Variants in LDLRAD3 observed in about 807,000 individuals in gnomAD.
LDLRAD3 encodes the protein low density lipoprotein receptor class A domain containing 3, also known as low-density lipoprotein receptor class A domain-containing protein 3.
Under a neutral mutation model 29.4 loss-of-function variants are expected in LDLRAD3, and 20 were observed. The ratio of observed to expected loss-of-function variants is 0.68; its 90% CI spans 0.48 to 0.99. LDLRAD3 has a LOEUF of 0.99. LDLRAD3 is among the 50% of genes least tolerant of loss of function. The pLI, the probability that LDLRAD3 is intolerant of heterozygous loss-of-function variation, is 0.00. For missense variants in LDLRAD3, 420 were observed against 454.3 expected, an observed-to-expected ratio of 0.92 and a Z score of 0.69; for synonymous variants, 157 against 192.7, an observed-to-expected ratio of 0.81 and a Z score of 1.53.
At chr11:36,210,346 T>A (rs1436361087) in intron 4 of LDLRAD3, among the ~76,000 whole-genome samples, 1 of 152,116 alleles carries the variant, frequency 6.6e-6, no homozygotes, top group Non-Finnish European at 1.5e-5. Flanking sequence ...GACTTTGATT[T>A]CTTCACTTTC....
chr11:36,057,577 T>G (rs1480376642), intron 2 of LDLRAD3, among the ~76,000 whole-genome samples: 1 of 152,146 alleles, frequency 6.6e-6, no homozygotes, highest in African/African-American at 2.4e-5. Flanking sequence ...AATACGCTAT[T>G]ACTTGGCCTT....
intron 1 of LDLRAD3, among the ~76,000 whole-genome samples, chr11:36,028,428 C>T (rs1852194429): frequency 6.6e-6 from 1 of 152,132 alleles, no homozygotes; most frequent in Non-Finnish European, 1.5e-5. Flanking sequence ...GGATTGGCCA[C>T]TTCTGTCATT....
At chr11:36,096,997 G>A (rs978979504) in intron 3 of LDLRAD3, among the ~76,000 whole-genome samples, 18 of 152,228 alleles carry the variant, frequency 1.2e-4, no homozygotes, top group African/African-American at 4.3e-4. Flanking sequence ...CACACTGCAG[G>A]TAAATTGTAC....
chr11:35,999,324 G>A (rs1026285571), intron 1 of LDLRAD3, among the ~76,000 whole-genome samples: 3 of 152,186 alleles, frequency 2.0e-5, no homozygotes, highest in South Asian at 2.1e-4. Context: ...TGGTTGGACT[G>A]GAGTAGCCTC....
intron 4 of LDLRAD3, among the ~76,000 whole-genome samples, chr11:36,159,163 A>G (rs1854398154): frequency 6.6e-6 from 1 of 152,182 alleles, no homozygotes; most frequent in African/African-American, 2.4e-5. Flanking sequence ...ATACATGTTG[A>G]CAATTCCATT....
chr11:36,005,640 T>A (rs1237907889), intron 1 of LDLRAD3, among the ~76,000 whole-genome samples: 1 of 152,214 alleles, frequency 6.6e-6, no homozygotes, highest in Non-Finnish European at 1.5e-5. Context: ...TCTGGTATCT[T>A]TACAGCAGTG....
At position 36,229,168 on chromosome 11, in the gene LDLRAD3, G is replaced by C. The variant is rs1855539161; in HGVS notation, c.809G>C (p.Trp270Ser). 1.9e-6 allele frequency: 3 copies of C among 1,613,488 alleles called. No individual in the cohort carries two copies. The highest frequency in any genetic ancestry group is 2.5e-6 in the Non-Finnish European group (3 of 1,179,552). ...SEALLDQRPA[W>S]YDLPPPPYSS... Reference sequence around the variant, plus strand: ...TGCTGTCCCCATCACAGGCCTGCGTGGTATGACCTTCCTCCACCGCCCTAC... The same window carrying C: ...TGCTGTCCCCATCACAGGCCTGCGTCGTATGACCTTCCTCCACCGCCCTAC... The change falls in exon 6 of 6, where the codon TGG becomes TCG. Residue 270 changes from tryptophan to serine, a missense_variant. Transcript: ENST00000315571.
intron 1 of LDLRAD3, among the ~76,000 whole-genome samples, chr11:36,020,354 G>A (rs1852080844): frequency 6.6e-6 from 1 of 152,214 alleles, no homozygotes; most frequent in African/African-American, 2.4e-5. Flanking sequence ...ATCTGAGCGT[G>A]AAGAGACATG....
chr11:36,062,137 C>T (rs1260947084), intron 2 of LDLRAD3, among the ~76,000 whole-genome samples: 1 of 152,150 alleles, frequency 6.6e-6, no homozygotes, highest in East Asian at 1.9e-4. Context: ...TGTCCAAGGT[C>T]ACGGTTCTGG....
intron 1 of LDLRAD3, among the ~76,000 whole-genome samples, chr11:35,955,724 A>C (rs1253919617): frequency 6.6e-6 from 1 of 152,256 alleles, no homozygotes. Context: ...AGGATGTTGA[A>C]GGTTCTTCAA....
At chr11:35,996,377 G>A (rs1851754775) in intron 1 of LDLRAD3, among the ~76,000 whole-genome samples, 1 of 152,092 alleles carries the variant, frequency 6.6e-6, no homozygotes, top group Non-Finnish European at 1.5e-5. Context: ...GTCTTATATG[G>A]GTGTGGTTTG....
intron 1 of LDLRAD3, chr11:35,968,063 C>A: frequency 2.2e-6 from 1 of 460,248 alleles, no homozygotes; most frequent in Non-Finnish European, 4.3e-6. Flanking sequence ...TTTCTACCTC[C>A]GAGCATTCTT....
At position 35,982,745 on chromosome 11, in the gene LDLRAD3, G is replaced by T. The variant is rs930907805; in HGVS notation, c.46+38601G>T. 1.3e-5 allele frequency among the ~76,000 whole-genome samples: 2 copies of T among 151,734 alleles called. 1 individual carries two copies. Among genetic ancestry groups the T allele is most frequent in the Admixed American group, 1.3e-4 (2 of 15,220 alleles). On this transcript the variant is annotated intron_variant, in intron 1 of 5. Coordinates refer to ENST00000315571, the MANE Select transcript of LDLRAD3 (RefSeq NM_174902.4). ...TGAAGACAGCTCAGCTCTCTCTAAG[G>T]TGGCCTTTTCTTCTGAATTCATTAT...
chr11:36,084,580 A>T (rs373528735), intron 3 of LDLRAD3, among the ~76,000 whole-genome samples: 2 of 152,382 alleles, frequency 1.3e-5, no homozygotes, highest in Non-Finnish European at 1.5e-5. Context: ...TATGTGAATT[A>T]TACTTCAGAG....
At chr11:36,218,711 C>G (rs1175495897) in intron 4 of LDLRAD3, among the ~76,000 whole-genome samples, 2 of 152,198 alleles carry the variant, frequency 1.3e-5, no homozygotes, top group Non-Finnish European at 2.9e-5. Context: ...AGGAATTCAT[C>G]CAAAGAAATA....
At chr11:36,173,417 A>T (rs1422825973) in intron 4 of LDLRAD3, among the ~76,000 whole-genome samples, 1 of 141,186 alleles carries the variant, frequency 7.1e-6, no homozygotes, top group Non-Finnish European at 1.5e-5. Context: ...ATTCCCACCT[A>T]TGAGTGAGAA....
In LDLRAD3 at chr11:36,079,074, G is replaced by A. The variant is rs1853067802; in HGVS notation, c.194-2579G>A. Among the ~76,000 whole-genome samples, 4 of 152,304 alleles carry A rather than the reference G, an allele frequency of 2.6e-5. No homozygotes were observed. In the South Asian group the frequency reaches 8.3e-4, roughly 32 times the overall value. Reference sequence around the variant, plus strand: ...GCTCCCTCAGGGACGCAGGGCACAGGGGACCTACTGCCGCCACTGCTGCTC... The same window carrying A: ...GCTCCCTCAGGGACGCAGGGCACAGAGGACCTACTGCCGCCACTGCTGCTC... On this transcript the variant is annotated intron_variant, in intron 2 of 5. Coordinates refer to ENST00000315571, the MANE Select transcript of LDLRAD3 (RefSeq NM_174902.4).
chr11:36,193,627 C>A (rs1420841398), intron 4 of LDLRAD3, among the ~76,000 whole-genome samples: 1 of 152,184 alleles, frequency 6.6e-6, no homozygotes, highest in African/African-American at 2.4e-5. Flanking sequence ...CCCCTCCCAG[C>A]TCTCCTGTTA....
chr11:35,951,074 T>G (rs1402036871), intron 1 of LDLRAD3, among the ~76,000 whole-genome samples: 1 of 152,020 alleles, frequency 6.6e-6, no homozygotes, highest in Non-Finnish European at 1.5e-5. Context: ...ATAGTGAGAC[T>G]CTGTCTCAAA....
Sources: allele counts gnomAD v4.1 joint callset (sites outside exome capture counted in the v4.1 genomes callset), GRCh38; gene constraint gnomAD v4.1.1; transcripts MANE v1.5; gene names NCBI Gene and HGNC (gene_info 2026-07-23, HGNC 2026-07-21).